RALYL: variants seen among roughly 807,000 people sequenced by gnomAD.
The protein encoded by RALYL is RALY RNA binding protein like.
In RALYL, 29 loss-of-function variants were observed where a neutral mutation model predicts 35.1. That is an observed-to-expected ratio of 0.83 (90% CI 0.61 to 1.13). RALYL has a LOEUF of 1.13. Among genes scored for constraint, RALYL ranks in the 50% most tolerant of loss-of-function variants. The pLI, the probability that RALYL is intolerant of heterozygous loss-of-function variation, is 0.00. For missense variants in RALYL, 359 were observed against 360.4 expected (o/e 1.00, Z 0.03); for synonymous variants, 120 against 127.6 (o/e 0.94, Z 0.40).
intron 1 of RALYL, among the ~76,000 whole-genome samples, chr8:84,379,868 A>AAAG (rs1420736887): frequency 6.6e-6 from 1 of 150,758 alleles, no homozygotes; most frequent in African/African-American, 2.5e-5. Context: ...GCTCAAAAAA[A>AAAG]AAAAAGAAAA....
intron 5 of RALYL, among the ~76,000 whole-genome samples, chr8:84,854,327 A>G (rs1178469216): frequency 6.6e-6 from 1 of 151,810 alleles, no homozygotes; most frequent in Non-Finnish European, 1.5e-5. Flanking sequence ...GCCTGGGGAC[A>G]GAGCGAAACT....
chr8:84,412,668 G>T (rs889749841), intron 1 of RALYL, among the ~76,000 whole-genome samples: 2 of 151,820 alleles, frequency 1.3e-5, no homozygotes, highest in East Asian at 1.9e-4. Context: ...AAACTAATCT[G>T]CAATCTCTCT....
chr8:84,730,314 G>A (rs573255282), intron 2 of RALYL, among the ~76,000 whole-genome samples: 4 of 152,168 alleles, frequency 2.6e-5, no homozygotes, highest in African/African-American at 9.6e-5. Context: ...TGCAGAAAAG[G>A]CCTTTGACAA....
chr8:84,619,596 T>G (rs1375366086), intron 2 of RALYL, among the ~76,000 whole-genome samples: 1 of 148,522 alleles, frequency 6.7e-6, no homozygotes, highest in Non-Finnish European at 1.5e-5. Flanking sequence ...CATTTACATT[T>G]AAAGTTAATA....
chr8:84,464,207 T>G (rs1202286696), intron 1 of RALYL, among the ~76,000 whole-genome samples: 2 of 151,666 alleles, frequency 1.3e-5, no homozygotes, highest in African/African-American at 4.8e-5. Context: ...TAGTTACATA[T>G]GTATACATGT....
In RALYL at chr8:84,658,885, T is replaced by G. The variant is rs1830407011; in HGVS notation, c.257-115694T>G. Among the ~76,000 whole-genome samples, 3 of 152,146 alleles carry G rather than the reference T, an allele frequency of 2.0e-5. No individual in the cohort carries two copies. The South Asian group carries it at 6.2e-4, about 32-fold the overall frequency. On this transcript the variant is annotated intron_variant, in intron 2 of 8. Transcript: ENST00000521268. Reference sequence around the variant, plus strand: ...CCAAATTCTCCTTTTGCCTTTTGTCTCAGTTTGCGGCTGGATATGGCTGCC... The same window carrying G: ...CCAAATTCTCCTTTTGCCTTTTGTCGCAGTTTGCGGCTGGATATGGCTGCC...
rs569453797 is a variant in RALYL, at chr8:84,566,070, G to T, written c.256+36493G>T. Among the ~76,000 whole-genome samples the T allele has an allele frequency of 2.0e-5, 3 of 151,594 alleles. No individual in the cohort carries two copies. The South Asian group carries it at 6.2e-4, about 31-fold the overall frequency. ...TTGGCTACTAGTATCCTTTGATAAT[G>T]GAAGTATTATGGTGTGTATTTTTTC... On this transcript the variant is annotated intron_variant, in intron 2 of 8. Coordinates refer to ENST00000521268, the MANE Select transcript of RALYL (RefSeq NM_173848.7).
chr8:84,253,363 T>C (rs1395892632), intron 1 of RALYL, among the ~76,000 whole-genome samples: 60 of 146,920 alleles, frequency 4.1e-4, no homozygotes, highest in Non-Finnish European at 1.7e-4. Flanking sequence ...CTAATTTTTG[T>C]ATTTTTTTTT....
At chr8:84,557,192 A>G (rs992924839) in intron 2 of RALYL, among the ~76,000 whole-genome samples, 2 of 152,198 alleles carry the variant, frequency 1.3e-5, no homozygotes, top group East Asian at 1.9e-4. Flanking sequence ...CTTTGTAAAT[A>G]TATATCCCCA....
intron 2 of RALYL, among the ~76,000 whole-genome samples, chr8:84,537,314 A>G (rs2059682749): frequency 6.6e-6 from 1 of 151,916 alleles, no homozygotes; most frequent in Non-Finnish European, 1.5e-5. Context: ...TGCAAAAAAT[A>G]CAAAAATTAG....
At chr8:84,487,193 AT>A (rs2054737929) in intron 1 of RALYL, among the ~76,000 whole-genome samples, 1 of 152,126 alleles carries the variant, frequency 6.6e-6, no homozygotes, top group Non-Finnish European at 1.5e-5. Flanking sequence ...TAAGCAAAGT[AT>A]TAAAATTCAA....
At chr8:84,366,757 T>G (rs1854365720) in intron 1 of RALYL, among the ~76,000 whole-genome samples, 1 of 112,700 alleles carries the variant, frequency 8.9e-6, no homozygotes, top group African/African-American at 4.0e-5. Context: ...AGTGAGATTT[T>G]TGTCTCAAAA....
At chr8:84,688,062 A>T (rs1837204101) in intron 2 of RALYL, among the ~76,000 whole-genome samples, 1 of 152,028 alleles carries the variant, frequency 6.6e-6, no homozygotes, top group South Asian at 2.1e-4. Context: ...TATTTCATTT[A>T]TTTAATTCCT....
intron 2 of RALYL, among the ~76,000 whole-genome samples, chr8:84,616,834 T>C (rs1165443661): frequency 1.3e-5 from 2 of 151,842 alleles, no homozygotes; most frequent in Non-Finnish European, 2.9e-5. Flanking sequence ...CCCAGCACCA[T>C]TTATTAAGTA....
chr8:84,261,119 A>G (rs78809323), intron 1 of RALYL, among the ~76,000 whole-genome samples: 2 of 104,810 alleles, frequency 1.9e-5, no homozygotes, highest in Admixed American at 9.5e-5. Context: ...TTTTTTTTTT[A>G]TAATTTACTC....
intron 2 of RALYL, among the ~76,000 whole-genome samples, chr8:84,609,161 G>A (rs1817776784): frequency 1.3e-5 from 2 of 152,240 alleles, no homozygotes; most frequent in African/African-American, 2.4e-5. Flanking sequence ...ATACATCAAA[G>A]AGATTTACAC....
In RALYL at chr8:84,306,159, G is replaced by A. The variant is rs558193301; in HGVS notation, c.-24+121735G>A. Among the ~76,000 whole-genome samples, 32 of 148,042 alleles carry A rather than the reference G, an allele frequency of 2.2e-4. 1 individual carries two copies. The South Asian group carries it at 3.9e-3, about 18-fold the overall frequency. On this transcript the variant is annotated intron_variant, in intron 1 of 8. Coordinates refer to ENST00000521268, the MANE Select transcript of RALYL (RefSeq NM_173848.7). ...AGCCTGGGTGACAGAGCGAGACTCC[G>A]TCTAAAAAAAAAAAAAACGAAAACC...
In RALYL at chr8:84,888,185, G is replaced by A. The variant is rs6998282; in HGVS notation, c.858+409G>A. Reference sequence around the variant, plus strand: ...CTGATGATAATTATTTATACTATTTGTATGGCCAACAGTCTTGTCTACAGT... The same window carrying A: ...CTGATGATAATTATTTATACTATTTATATGGCCAACAGTCTTGTCTACAGT... On this transcript the variant is annotated intron_variant, in intron 8 of 8. Coordinates refer to ENST00000521268, the MANE Select transcript of RALYL (RefSeq NM_173848.7). 3.9e-5 allele frequency among the ~76,000 whole-genome samples: 6 copies of A among 152,264 alleles called. No individual in the cohort carries two copies. In the East Asian group the frequency reaches 1.2e-3, roughly 29 times the overall value.
chr8:84,398,476 A>G (rs1474815886), intron 1 of RALYL, among the ~76,000 whole-genome samples: 2 of 152,168 alleles, frequency 1.3e-5, no homozygotes, highest in Admixed American at 6.5e-5. Flanking sequence ...GACCTAGAAA[A>G]TATTTCATTT....
Sources: gnomAD v4.1 joint callset for allele counts (sites outside exome capture counted in the v4.1 genomes callset) on GRCh38, gnomAD v4.1.1 for gene constraint, MANE v1.5 for transcripts, NCBI Gene and HGNC (gene_info 2026-07-23, HGNC 2026-07-21) for gene names.